GP5: variants seen among roughly 807,000 people sequenced by gnomAD.
GP5 encodes platelet glycoprotein V.
For synonymous variants in GP5, 382 were observed against 353.9 expected (o/e 1.08, Z -0.89); for missense variants, 755 against 737.1 (o/e 1.02, Z -0.28).
chr3:194,396,828 G>A lies in GP5; in HGVS notation c.1455C>T (p.Asp485=). 5 of 1,585,676 alleles carry A rather than the reference G, an allele frequency of 3.2e-6. No individual in the cohort carries two copies. Among genetic ancestry groups the A allele is most frequent in the Non-Finnish European group, 4.3e-6 (5 of 1,167,212 alleles). The change falls in exon 2 of 2, where the codon GAC becomes GAT. Residue 485 remains aspartate, a synonymous_variant. Coordinates refer to ENST00000692618, the MANE Select transcript of GP5 (RefSeq NM_004488.2). ...GGTGGACAGGGGCTTCCGAGGAGCT[G>A]TCCGCAGCGGGGCGGGGAGGCGGGC... is the stretch of plus-strand genomic sequence containing the variant. The part of the protein sequence containing the change: ...PRGPPPRPAA[D]SSSEAPVHPA...
chr3:194,397,145 G>A lies in GP5; in HGVS notation c.1138C>T (p.Arg380Cys). The change falls in exon 2 of 2, where the codon CGT (arginine) becomes TGT (cysteine). Residue 380 changes from arginine (R) to cysteine (C), a missense_variant. Arg to Cys is a radical substitution (Grantham distance 180). Transcript: ENST00000692618. This position sits in a 1 kb window ranked among gnomAD's most constrained non-coding sequence, Gnocchi z 7.2. ...LRRNRLRALPRALFRNLSSLE... is the reference protein window; with the variant it reads ...LRRNRLRALPCALFRNLSSLE... ...CTGCTGAGATTGCGGAAGAGGGCAC[G>A]GGGCAGGGCGCGCAGCCTGTTGCGG... 1.3e-6 allele frequency: 2 copies of A among 1,585,658 alleles called. No individual in the cohort carries two copies. Among genetic ancestry groups the A allele is most frequent in the Non-Finnish European group, 1.7e-6 (2 of 1,173,954 alleles).
At position 194,397,586 on chromosome 3, in the gene GP5, T is replaced by G; in HGVS notation, c.697A>C (p.Ile233Leu). The change falls in exon 2 of 2, where the codon ATC (isoleucine) becomes CTC (leucine). Residue 233 changes from isoleucine (I) to leucine (L), a missense_variant. Physicochemically the swap from Ile to Leu is conservative, Grantham distance 5. Coordinates refer to ENST00000692618, the MANE Select transcript of GP5 (RefSeq NM_004488.2). The surrounding 1 kb of genome is among the most constrained non-coding windows in gnomAD (Gnocchi z 7.2). ...LQFHRNHIRS[I>L]APGAFDRLPN... ...AGCCGGTCGAAGGCCCCGGGTGCGA[T>G]GGAACGGATGTGATTTCGGTGGAAC... 1 of 1,614,152 alleles carries G rather than the reference T, an allele frequency of 6.2e-7. No homozygotes were observed. The highest frequency in any genetic ancestry group is 8.5e-7 in the Non-Finnish European group (1 of 1,180,020).
chr3:194,397,111 C>G lies in GP5; in HGVS notation c.1172G>C (p.Ser391Thr), dbSNP rs761880420. The change falls in exon 2 of 2, where the codon AGC becomes ACC. Residue 391 changes from serine (S) to threonine (T), a missense_variant. Physicochemically the swap from Ser to Thr is moderately conservative, Grantham distance 58. Coordinates refer to ENST00000692618, the MANE Select transcript of GP5 (RefSeq NM_004488.2). The surrounding 1 kb of genome is among the most constrained non-coding windows in gnomAD (Gnocchi z 7.2). ...ALFRNLSSLE[S>T]VQLDHNQLET... ...CAGCTGGTTGTGGTCGAGCTGGACGCTCTCCAGGCTGCTGAGATTGCGGAA... is the reference window on the plus strand; with the variant it reads ...CAGCTGGTTGTGGTCGAGCTGGACGGTCTCCAGGCTGCTGAGATTGCGGAA... 1.3e-6 allele frequency: 2 copies of G among 1,591,646 alleles called. No individual in the cohort carries two copies. Among genetic ancestry groups the G allele is most frequent in the Non-Finnish European group, 1.7e-6 (2 of 1,176,910 alleles).
Position 194,397,259 on chromosome 3 carries a change from G to A in GP5, c.1024C>T (p.Gln342Ter). The change falls in exon 2 of 2, where the codon CAG becomes TAG. Residue 342 changes from glutamine (Q) to a stop codon, truncating the protein, a stop_gained. Coordinates refer to ENST00000692618, the MANE Select transcript of GP5 (RefSeq NM_004488.2). LOFTEE classifies it low-confidence loss of function (END_TRUNC). The surrounding 1 kb of genome is among the most constrained non-coding windows in gnomAD (Gnocchi z 7.2). ...CCGTTGGAGTGCAGGGCGAGCACCT[G>A]GAGCTCGCCAAGGCCCTGGAAGGCG... ...QGAFQGLGEL[Q>*]VLALHSNGLT... 1 of 1,579,360 alleles carries A rather than the reference G, an allele frequency of 6.3e-7. No homozygotes were observed. Among genetic ancestry groups the A allele is most frequent in the Non-Finnish European group, 8.5e-7 (1 of 1,170,650 alleles).
chr3:194,396,880 C>A lies in GP5; in HGVS notation c.1403G>T (p.Gly468Val), dbSNP rs1432462199. The part of the protein sequence containing the change: ...AGLPLWALPG[G>V]DAECPGPRGP... ...CCGGGGGCCCGGGCACTCCGCGTCACCCCCCGGCAGGGCCCAGAGCGGCAG... is the reference window on the plus strand; with the variant it reads ...CCGGGGGCCCGGGCACTCCGCGTCAACCCCCGGCAGGGCCCAGAGCGGCAG... The change falls in exon 2 of 2, where the codon GGT (glycine) becomes GTT (valine). Residue 468 changes from glycine to valine, a missense_variant. Gly to Val is a moderately radical substitution (Grantham distance 109). Transcript: ENST00000692618. 6.5e-7 allele frequency: 1 copy of A among 1,534,962 alleles called. No individual in the cohort carries two copies. The highest frequency in any genetic ancestry group is 8.7e-7 in the Non-Finnish European group (1 of 1,147,124).
chr3:194,398,250 G>A lies in GP5; in HGVS notation c.33C>T (p.Leu11=). Reference sequence around the variant, plus strand: ...GGAAGGGCTGGGCGCGCAGAAGCCCGAGCACCGCGCACAGTAGAGTCCCCC... The same window carrying A: ...GGAAGGGCTGGGCGCGCAGAAGCCCAAGCACCGCGCACAGTAGAGTCCCCC... MLRGTLLCAV[L]GLLRAQPFPC... The change falls in exon 2 of 2, where the codon CTC becomes CTT. Residue 11 remains leucine, a synonymous_variant. Transcript: ENST00000692618. The A allele has an allele frequency of 3.1e-6, 5 of 1,610,092 alleles. No homozygotes were observed. The highest frequency in any genetic ancestry group is 4.2e-6 in the Non-Finnish European group (5 of 1,178,312).
Position 194,398,194 on chromosome 3 carries a change from C to G in GP5, c.89G>C (p.Arg30Pro), listed in dbSNP as rs752780195. The G allele has an allele frequency of 4.7e-5, 75 of 1,612,550 alleles. No individual in the cohort carries two copies. In the Admixed American group the frequency reaches 1.2e-3, roughly 27 times the overall value. ...PCPPACKCVFRDAAQCSGGDV... is the reference protein window; with the variant it reads ...PCPPACKCVFPDAAQCSGGDV... ...GCCCCCCGAGCACTGCGCGGCGTCCCGGAAGACACACTTGCAAGCTGGCGG... is the reference window on the plus strand; with the variant it reads ...GCCCCCCGAGCACTGCGCGGCGTCCGGGAAGACACACTTGCAAGCTGGCGG... The change falls in exon 2 of 2, where the codon CGG (arginine) becomes CCG (proline). Residue 30 changes from arginine (R) to proline (P), a missense_variant. Coordinates refer to ENST00000692618, the MANE Select transcript of GP5 (RefSeq NM_004488.2).
rs745390651 is a variant in GP5 at position 194,397,664 on chromosome 3, C to G, written c.619G>C (p.Val207Leu). 3.0e-5 allele frequency: 49 copies of G among 1,614,050 alleles called. No individual in the cohort carries two copies. The highest frequency in any genetic ancestry group is 3.7e-5 in the Non-Finnish European group (44 of 1,180,018). Residue 207 changes from valine (V) to leucine (L), a missense_variant, in exon 2 of 2, where the codon GTG (valine) becomes CTG (leucine). By Grantham distance (32) the Val-to-Leu change is conservative. Coordinates refer to ENST00000692618, the MANE Select transcript of GP5 (RefSeq NM_004488.2). The surrounding 1 kb of genome is among the most constrained non-coding windows in gnomAD (Gnocchi z 7.2). ...TTCAACAGCCCCGAATCCAGAGACA[C>G]AAGGCGGTTCGAGTGGAGCAGAAGT... ...ERLLLHSNRL[V>L]SLDSGLLNSL...
chr3:194,397,890 G>T lies in GP5; in HGVS notation c.393C>A (p.His131Gln). 6.2e-7 allele frequency: 1 copy of T among 1,614,118 alleles called. No homozygotes were observed. The highest frequency in any genetic ancestry group is 8.5e-7 in the Non-Finnish European group (1 of 1,179,974). The change falls in exon 2 of 2, where the codon CAC becomes CAA. Residue 131 changes from histidine (H) to glutamine (Q), a missense_variant. Physicochemically the swap from His to Gln is conservative, Grantham distance 24 (BLOSUM62 0). Transcript: ENST00000692618. This position sits in a 1 kb window ranked among gnomAD's most constrained non-coding sequence, Gnocchi z 7.2. ...MVLLEQLFLD[H>Q]NALRGIDQNM... Reference sequence around the variant, plus strand: ...TTTGGTCAATGCCCCTTAGCGCATTGTGGTCCAAAAACAACTGCTCCAGGA... The same window carrying T: ...TTTGGTCAATGCCCCTTAGCGCATTTTGGTCCAAAAACAACTGCTCCAGGA...
chr3:194,397,713 A>G lies in GP5; in HGVS notation c.570T>C (p.Leu190=). 1.2e-6 allele frequency: 2 copies of G among 1,614,088 alleles called. No individual in the cohort carries two copies. The highest frequency in any genetic ancestry group is 1.7e-6 in the Non-Finnish European group (2 of 1,180,000). ...GTCTCTCGAGCTTAGCCTGTGCTCCAAGCAACCCCTTGGGCAGGTGGGTCA... is the reference window on the plus strand; with the variant it reads ...GTCTCTCGAGCTTAGCCTGTGCTCCGAGCAACCCCTTGGGCAGGTGGGTCA... ...NNLTHLPKGL[L]GAQAKLERLL... is the part of the protein sequence containing the mutation. Residue 190 remains leucine (L), a synonymous_variant, in exon 2 of 2, where the codon CTT becomes CTC. Coordinates refer to ENST00000692618, the MANE Select transcript of GP5 (RefSeq NM_004488.2). The surrounding 1 kb of genome is among the most constrained non-coding windows in gnomAD (Gnocchi z 7.2).
Position 194,397,936 on chromosome 3 carries a change from G to C in GP5, c.347C>G (p.Ala116Gly). ...SRNKITHLPGALLDKMVLLEQ... is the reference protein window; with the variant it reads ...SRNKITHLPGGLLDKMVLLEQ... ...CAGGAGCACCATCTTATCCAGCAGC[G>C]CACCTGGAAGATGCGTGATTTTGTT... Residue 116 changes from alanine to glycine, a missense_variant, in exon 2 of 2, where the codon GCG becomes GGG. Ala to Gly is a moderately conservative substitution (Grantham distance 60). Transcript: ENST00000692618. The surrounding 1 kb of genome is among the most constrained non-coding windows in gnomAD (Gnocchi z 7.2). The C allele has an allele frequency of 5.6e-6, 9 of 1,614,180 alleles. No individual in the cohort carries two copies. Among genetic ancestry groups the C allele is most frequent in the Non-Finnish European group, 7.6e-6 (9 of 1,180,016 alleles).
Position 194,397,149 on chromosome 3 carries a change from C to G in GP5, c.1134G>C (p.Leu378=), listed in dbSNP as rs368103666. Residue 378 remains leucine, a synonymous_variant, in exon 2 of 2, where the codon CTG becomes CTC. Coordinates refer to ENST00000692618, the MANE Select transcript of GP5 (RefSeq NM_004488.2). The surrounding 1 kb of genome is among the most constrained non-coding windows in gnomAD (Gnocchi z 7.2). ...VSLRRNRLRA[L]PRALFRNLSS... ...TGAGATTGCGGAAGAGGGCACGGGG[C>G]AGGGCGCGCAGCCTGTTGCGGCGCA... 98 of 1,584,212 alleles carry G rather than the reference C, an allele frequency of 6.2e-5. No individual in the cohort carries two copies. The highest frequency in any genetic ancestry group is 7.8e-5 in the Non-Finnish European group (92 of 1,173,394).
In GP5 at chr3:194,396,903, C is replaced by T. The variant is rs768608448; in HGVS notation, c.1380G>A (p.Leu460=). ...RCAGPGAHAG[L]PLWALPGGDA... ...CACCCCCCGGCAGGGCCCAGAGCGG[C>T]AGGCCGGCGTGCGCCCCAGGGCCTG... Residue 460 remains leucine, a synonymous_variant, in exon 2 of 2, where the codon CTG becomes CTA. Transcript: ENST00000692618. The T allele has an allele frequency of 9.3e-6, 14 of 1,507,738 alleles. No homozygotes were observed. The highest frequency in any genetic ancestry group is 1.4e-5 in the African/African-American group (1 of 71,458). The allele number at this position is 1,507,738 out of a possible 1,614,324, so 93.4% of individuals were successfully genotyped here.
At position 194,396,873 on chromosome 3, in the gene GP5, C is replaced by T. The variant is rs546059539; in HGVS notation, c.1410G>A (p.Ala470=). Residue 470 remains alanine (A), a synonymous_variant, in exon 2 of 2, where the codon GCG becomes GCA. Transcript: ENST00000692618. ...LPLWALPGGD[A]ECPGPRGPPP... ...GCGGGCCCCGGGGGCCCGGGCACTC[C>T]GCGTCACCCCCCGGCAGGGCCCAGA... 33 of 1,538,456 alleles carry T rather than the reference C, an allele frequency of 2.1e-5. No homozygotes were observed. The Middle Eastern group carries it at 1.1e-3, about 53-fold the overall frequency.
chr3:194,398,312 C>T, intron 1 of GP5, 28 bp from the exon 2 acceptor site: 4 of 1,552,016 alleles, frequency 2.6e-6, no homozygotes, highest in Non-Finnish European at 3.5e-6. Flanking sequence ...GGAGTGTGGT[C>T]AACACACAGG....
rs1044799160 is a variant in GP5, at chr3:194,397,524, G to A, written c.759C>T (p.His253=). Reference sequence around the variant, plus strand: ...AGAGCGCAGAGGGGAGAAACGCAAGGTGGTTTCTCGAAAGCGTCAAAGAAC... The same window carrying A: ...AGAGCGCAGAGGGGAGAAACGCAAGATGGTTTCTCGAAAGCGTCAAAGAAC... ...NLSSLTLSRN[H]LAFLPSALFL... Residue 253 remains histidine, a synonymous_variant, in exon 2 of 2, where the codon CAC becomes CAT. Transcript: ENST00000692618. This position sits in a 1 kb window ranked among gnomAD's most constrained non-coding sequence, Gnocchi z 7.2. 5.0e-6 allele frequency: 8 copies of A among 1,613,860 alleles called. No individual in the cohort carries two copies. The highest frequency in any genetic ancestry group is 1.3e-5 in the African/African-American group (1 of 74,908).
In GP5 at chr3:194,398,097, G is replaced by A. The variant is rs1300199199; in HGVS notation, c.186C>T (p.Arg62=). ...TGAAGCTCTGGCTCTGCAGGACGCC[G>A]CGGCCCATTCCGAAGAGCAGGATGT... ...LTHILLFGMG[R]GVLQSQSFSG... Residue 62 remains arginine, a synonymous_variant, in exon 2 of 2, where the codon CGC becomes CGT. Transcript: ENST00000692618. The A allele has an allele frequency of 7.4e-6, 12 of 1,613,646 alleles. No homozygotes were observed. In the East Asian group the frequency reaches 2.7e-4, roughly 36 times the overall value.
Position 194,396,551 on chromosome 3 carries a change from G to A in GP5, c.*49C>T, listed in dbSNP as rs763148728. On this transcript the variant is annotated 3_prime_UTR_variant, in exon 2 of 2. Coordinates refer to ENST00000692618, the MANE Select transcript of GP5 (RefSeq NM_004488.2). The stretch of plus-strand genomic sequence containing the variant: ...CAGCAGCGGGTCTGGATTCCCCTCC[G>A]AGCCACATCTGGTCAGGTTCTAAGT... 5.3e-6 allele frequency: 8 copies of A among 1,497,720 alleles called. No homozygotes were observed. The highest frequency in any genetic ancestry group is 9.0e-7 in the Non-Finnish European group (1 of 1,106,586). 92.8% of individuals were successfully genotyped at this position (1,497,720 alleles called of 1,614,324 possible). A position where few individuals can be genotyped will look rare whatever the true frequency, so the allele number is the denominator to read the frequency against.
At position 194,397,266 on chromosome 3, in the gene GP5, G is replaced by A; in HGVS notation, c.1017C>T (p.Gly339=). ...ALPQGAFQGL[G]ELQVLALHSN... ...AGTGCAGGGCGAGCACCTGGAGCTCGCCAAGGCCCTGGAAGGCGCCCTGCG... is the reference window on the plus strand; with the variant it reads ...AGTGCAGGGCGAGCACCTGGAGCTCACCAAGGCCCTGGAAGGCGCCCTGCG... Residue 339 remains glycine, a synonymous_variant, in exon 2 of 2, where the codon GGC becomes GGT. Transcript: ENST00000692618. The surrounding 1 kb of genome is among the most constrained non-coding windows in gnomAD (Gnocchi z 7.2). The A allele has an allele frequency of 6.3e-7, 1 of 1,579,094 alleles. No individual in the cohort carries two copies. The highest frequency in any genetic ancestry group is 8.5e-7 in the Non-Finnish European group (1 of 1,170,574).
Sources: allele counts gnomAD v4.1 joint callset, GRCh38; gene constraint gnomAD v4.1.1; non-coding constraint Gnocchi (gnomAD v3.1); transcripts MANE v1.5; gene names NCBI Gene and HGNC (gene_info 2026-07-23, HGNC 2026-07-21).